The following COL9A3 variants were observed in gnomAD, a reference collection of about 807,000 sequenced individuals.
COL9A3 encodes collagen alpha-3(IX) chain.
A neutral mutation model predicts 110.2 loss-of-function variants in COL9A3; 82 were observed. The observed-to-expected ratio is 0.74, with a 90% CI of 0.62 to 0.89. The LOEUF is 0.89. Ranked by LOEUF, COL9A3 falls within the 40% of genes least tolerant of loss-of-function variation. The pLI is 0.00. For synonymous variants in COL9A3, 494 were observed against 403.8 expected, an observed-to-expected ratio of 1.22 and a Z score of -2.68; for missense variants, 1,066 against 981.3, an observed-to-expected ratio of 1.09 and a Z score of -1.15.
rs575858451 is a variant in COL9A3, at chr20:62,821,598, G to A, written c.369+68G>A. 4 of 1,605,860 alleles carry A rather than the reference G, an allele frequency of 2.5e-6. No individual in the cohort carries two copies. In the South Asian group the frequency reaches 4.4e-5, roughly 18 times the overall value. On this transcript the variant is annotated intron_variant, in intron 7 of 31. Transcript: ENST00000649368. Reference sequence around the variant, plus strand: ...TCCCGAGAGCCTGCCAGGCTGGGATGTCCCAAACCGTGCCTGGGGGTGGGG... The same window carrying A: ...TCCCGAGAGCCTGCCAGGCTGGGATATCCCAAACCGTGCCTGGGGGTGGGG...
chr20:62,834,160 C>T (rs1228619543), intron 26 of COL9A3, among the ~76,000 whole-genome samples: 1 of 152,204 alleles, frequency 6.6e-6, no homozygotes, highest in Non-Finnish European at 1.5e-5. Context: ...AGGTACGAGC[C>T]ACCGCCCCTG....
chr20:62,824,490 C>T lies in COL9A3; in HGVS notation c.565C>T (p.Pro189Ser), dbSNP rs200808104. The T allele has an allele frequency of 1.1e-5, 17 of 1,597,556 alleles. No homozygotes were observed. In the East Asian group the frequency reaches 3.8e-4, roughly 36 times the overall value. The part of the protein sequence containing the change: ...PPGPPGPPGM[P>S]GFKGPTGYKG... ...AGGTCCCCCAGGGCCCCCTGGAATG[C>T]CAGGGTTCAAGGTGAGTCACGGGTG... The change falls in exon 11 of 32, where the codon CCA becomes TCA. Residue 189 changes from proline to serine, a missense_variant. Transcript: ENST00000649368.
At chr20:62,828,626 T>C in intron 17 of COL9A3, 138 bp from the exon 18 acceptor site, 2 of 1,021,158 alleles carry the variant, frequency 2.0e-6, no homozygotes, top group Non-Finnish European at 3.0e-6. Flanking sequence ...ACCTTGGTCA[T>C]GAAACCAGAT....
chr20:62,839,607 C>T (rs74601095), intron 31 of COL9A3, among the ~76,000 whole-genome samples: 1,816 of 151,892 alleles, frequency 0.012, 21 homozygotes, highest in African/African-American at 0.041. Flanking sequence ...GCCTTCTCCT[C>T]TCCTCTCCTC....
chr20:62,828,843 G>A (rs751690905), intron 18 of COL9A3, 26 bp downstream of exon 18: 6 of 1,612,654 alleles, frequency 3.7e-6, no homozygotes, highest in South Asian at 1.1e-5. Context: ...AGGGTGTGAC[G>A]GGAGGGAGGG....
chr20:62,829,394 G>T lies in COL9A3; in HGVS notation c.1009-61G>T, dbSNP rs2063577978. The T allele has an allele frequency of 1.9e-6, 3 of 1,606,100 alleles. No homozygotes were observed. The African/African-American group carries it at 4.0e-5, about 21-fold the overall frequency. The stretch of plus-strand genomic sequence containing the variant: ...GCACCCTGCCTGCGTGCACGCCCCT[G>T]GGTGCTGCTGCCGGCGTGCAATGTA... On this transcript the variant is annotated intron_variant, in intron 19 of 31. Transcript: ENST00000649368.
chr20:62,836,540 A>G lies in COL9A3; in HGVS notation c.1603+8A>G. On this transcript the variant is annotated splice_region_variant and intron_variant, in intron 29 of 31. Coordinates refer to ENST00000649368, the MANE Select transcript of COL9A3 (RefSeq NM_001853.4). Reference sequence around the variant, plus strand: ...GTGGGGGGATGATCAGCGGTAAGTCAGCCACGTGCACCGGCTGCAGCGGGG... The same window carrying G: ...GTGGGGGGATGATCAGCGGTAAGTCGGCCACGTGCACCGGCTGCAGCGGGG... 6.2e-7 allele frequency: 1 copy of G among 1,606,624 alleles called. No homozygotes were observed. The highest frequency in any genetic ancestry group is 8.5e-7 in the Non-Finnish European group (1 of 1,176,456).
chr20:62,836,677 G>A, intron 29 of COL9A3, 145 bp downstream of exon 29: 2 of 871,112 alleles, frequency 2.3e-6, no homozygotes, highest in Non-Finnish European at 3.5e-6. Context: ...GCCCTTGGGG[G>A]TCCACGTCCG....
intron 24 of COL9A3, 64 bp downstream of exon 24, chr20:62,830,652 A>AC (rs372487010): frequency 0.52 from 221,545 of 423,250 alleles, 105,794 homozygotes; most frequent in Non-Finnish European, 0.62. Flanking sequence ...ACAGTCCCCC[A>AC]CCCCCATGAC....
chr20:62,819,316 G>T, intron 4 of COL9A3, 23 bp downstream of exon 4: 2 of 1,598,238 alleles, frequency 1.3e-6, no homozygotes, highest in Admixed American at 1.7e-5. Flanking sequence ...GCCCCTCCCC[G>T]CCATGCCCCA....
rs773683436 is a variant in COL9A3 at position 62,837,253 on chromosome 20, C to T, written c.1774C>T (p.Pro592Ser). ...YRGPTGELGDPGPRGNQGDRG... is the reference protein window; with the variant it reads ...YRGPTGELGDSGPRGNQGDRG... ...CGGTCCCACTGGGGAGCTGGGAGAC[C>T]CCGGGCCCAGAGGTGAGTGTTTGAC... is the stretch of plus-strand genomic sequence containing the variant. Residue 592 changes from proline (P) to serine (S), a missense_variant, in exon 30 of 32, where the codon CCC becomes TCC. Transcript: ENST00000649368. 6 of 1,610,372 alleles carry T rather than the reference C, an allele frequency of 3.7e-6. No individual in the cohort carries two copies. The highest frequency in any genetic ancestry group is 3.3e-5 in the South Asian group (3 of 91,078).
intron 26 of COL9A3, among the ~76,000 whole-genome samples, chr20:62,835,014 G>A (rs922824528): frequency 1.3e-5 from 2 of 152,260 alleles, no homozygotes; most frequent in Admixed American, 6.5e-5. Flanking sequence ...GGCCACTGTT[G>A]CTGGTGGGGT....
Position 62,837,208 on chromosome 20 carries a change from C to T in COL9A3, c.1729C>T (p.Arg577Ter), listed in dbSNP as rs1201247953. ...PPGSIGHPGARGPPGYRGPTG... is the reference protein window; with the variant it reads ...PPGSIGHPGA ...AGGCTCCATTGGTCACCCTGGCGCT[C>T]GAGGACCCCCTGGATACCGCGGTCC... Residue 577 changes from arginine to a stop codon, truncating the protein, a stop_gained, in exon 30 of 32, where the codon CGA becomes TGA. Transcript: ENST00000649368. LOFTEE classifies it high-confidence loss of function. The T allele has an allele frequency of 5.6e-6, 9 of 1,612,344 alleles. No homozygotes were observed. Among genetic ancestry groups the T allele is most frequent in the East Asian group, 2.2e-5 (1 of 44,872 alleles).
At chr20:62,835,832 G>A in intron 26 of COL9A3, 89 bp from the exon 27 acceptor site, 1 of 1,328,686 alleles carries the variant, frequency 7.5e-7, no homozygotes, top group Non-Finnish European at 1.1e-6. Flanking sequence ...CAGGTGTGTG[G>A]ATGATTTGAT....
intron 3 of COL9A3, 124 bp downstream of exon 3, chr20:62,818,677 C>T (rs1991017173): frequency 2.0e-6 from 2 of 1,003,946 alleles, no homozygotes; most frequent in African/African-American, 3.2e-5. Flanking sequence ...GAGGGGAGGC[C>T]TCAGAGGGCT....
Position 62,817,624 on chromosome 20 carries a change from G to C in COL9A3, c.136G>C (p.Asp46His), listed in dbSNP as rs1027967571. The part of the protein sequence containing the change: ...PPGPPGKPGQ[D>H]GIDGEAGPPG... Reference sequence around the variant, plus strand: ...AGGGCCGCCCGGGAAGCCCGGCCAGGACGGCATTGACGTGAGTTTGGGGGT... The same window carrying C: ...AGGGCCGCCCGGGAAGCCCGGCCAGCACGGCATTGACGTGAGTTTGGGGGT... The change falls in exon 2 of 32, where the codon GAC becomes CAC. Residue 46 changes from aspartate to histidine, a missense_variant. Coordinates refer to ENST00000649368, the MANE Select transcript of COL9A3 (RefSeq NM_001853.4). 3 of 1,540,942 alleles carry C rather than the reference G, an allele frequency of 1.9e-6. No individual in the cohort carries two copies. The highest frequency in any genetic ancestry group is 4.0e-5 in the Admixed American group (2 of 49,432).
chr20:62,821,629 CA>C, intron 7 of COL9A3, 99 bp downstream of exon 7: 3 of 1,576,884 alleles, frequency 1.9e-6, no homozygotes, highest in Non-Finnish European at 2.6e-6. Context: ...TGGGGCTTCT[CA>C]GGGGCAGCCA....
intron 6 of COL9A3, 41 bp from the exon 7 acceptor site, chr20:62,821,466 C>G (rs764975424): frequency 1.9e-6 from 3 of 1,612,694 alleles, no homozygotes; most frequent in Non-Finnish European, 2.5e-6. Flanking sequence ...CGCAGCCCTT[C>G]TTGTGCCTGG....
At chr20:62,832,558 CAG>C (rs1030279939) in intron 25 of COL9A3, among the ~76,000 whole-genome samples, 1 of 151,550 alleles carries the variant, frequency 6.6e-6, no homozygotes, top group Non-Finnish European at 1.5e-5. Context: ...GGAGAACTGA[CAG>C]AGGGCAGGGG....
Sources: allele counts gnomAD v4.1 joint callset (sites outside exome capture counted in the v4.1 genomes callset), GRCh38; gene constraint gnomAD v4.1.1; transcripts MANE v1.5; gene names NCBI Gene and HGNC (gene_info 2026-07-23, HGNC 2026-07-21).